The following TULP4 variants were observed in gnomAD, a reference collection of about 807,000 sequenced individuals.
TULP4 encodes the protein tubby-related protein 4.
In TULP4, 16 loss-of-function variants were observed where a neutral mutation model predicts 129.0. That is an observed-to-expected ratio of 0.12 (90% confidence interval 0.08 to 0.19). TULP4 has a LOEUF of 0.19. TULP4 is among the 10% of genes least tolerant of loss of function. TULP4 has a pLI of 1.00. For synonymous variants in TULP4, 998 were observed against 854.0 expected (o/e 1.17, Z -2.94); for missense variants, 1,842 against 2,059.1 (o/e 0.89, Z 2.04).
intron 1 of TULP4, among the ~76,000 whole-genome samples, chr6:158,334,246 A>C (rs1027376762): frequency 3.3e-5 from 5 of 152,246 alleles, no homozygotes; most frequent in African/African-American, 1.2e-4. Flanking sequence ...TGACATTACA[A>C]GAAAAAGTTG....
At position 158,508,134 on chromosome 6, in the gene TULP4, A is replaced by G. The variant is rs920711602; in HGVS notation, c.*1440A>G. The G allele has an allele frequency of 3.3e-5, 5 of 151,964 alleles. No homozygotes were observed. Among genetic ancestry groups the G allele is most frequent in the African/African-American group, 1.2e-4 (5 of 41,336 alleles). 9.4% of individuals were successfully genotyped at this position (151,964 alleles called of 1,614,324 possible). ...TATTCAAGCCCTGATGACAAAACCC[A>G]GTGTTTTTTGTTGTTGTTTTTTGTT... is the stretch of plus-strand genomic sequence containing the variant. On this transcript the variant is annotated 3_prime_UTR_variant, in exon 14 of 14. Coordinates refer to ENST00000367097, the MANE Select transcript of TULP4 (RefSeq NM_020245.5).
In TULP4 at chr6:158,413,105, C is replaced by T. The variant is rs765940803; in HGVS notation, c.293C>T (p.Ala98Val). 2 of 1,613,706 alleles carry T rather than the reference C, an allele frequency of 1.2e-6. No individual in the cohort carries two copies. The highest frequency in any genetic ancestry group is 1.7e-6 in the Non-Finnish European group (2 of 1,179,716). The change falls in exon 2 of 14, where the codon GCC becomes GTC. Residue 98 changes from alanine (A) to valine (V), a missense_variant. This residue lies in a region of TULP4 where 151 missense variants were observed against 268.7 expected (regional missense o/e 0.56). Coordinates refer to ENST00000367097, the MANE Select transcript of TULP4 (RefSeq NM_020245.5). This position sits in a 1 kb window ranked among gnomAD's most constrained non-coding sequence, Gnocchi z 4.9. ...VRWNEPYQKL[A>V]TCDADGGIFV... ...TGGAATGAGCCCTACCAGAAACTGG[C>T]CACGTGCGATGCGGACGGAGGCATA...
At chr6:158,341,271 CT>C (rs919046986) in intron 1 of TULP4, among the ~76,000 whole-genome samples, 26 of 152,042 alleles carry the variant, frequency 1.7e-4, no homozygotes, top group African/African-American at 5.8e-4. Context: ...CAGGAGTTCA[CT>C]TTTTTTTATG....
chr6:158,267,779 T>C (rs1313956879), intron 1 of TULP4, among the ~76,000 whole-genome samples: 1 of 152,112 alleles, frequency 6.6e-6, no homozygotes, highest in African/African-American at 2.4e-5. Context: ...CCTCCGTGGG[T>C]TGGTATAGAC....
At chr6:158,402,828 G>T (rs1202743915) in intron 1 of TULP4, among the ~76,000 whole-genome samples, 4 of 151,370 alleles carry the variant, frequency 2.6e-5, no homozygotes, top group African/African-American at 9.7e-5. Context: ...AAAAATAAAT[G>T]ATGACTATTG....
At chr6:158,422,528 C>T (rs886629252) in intron 2 of TULP4, among the ~76,000 whole-genome samples, 1 of 152,160 alleles carries the variant, frequency 6.6e-6, no homozygotes, top group African/African-American at 2.4e-5. Context: ...ATTCTCAGGC[C>T]AGTTTAGACA....
chr6:158,303,180 T>G (rs1779158762), intron 1 of TULP4, among the ~76,000 whole-genome samples: 1 of 151,616 alleles, frequency 6.6e-6, no homozygotes, highest in Non-Finnish European at 1.5e-5. Context: ...TCTCCTTTGT[T>G]TAAAACAATA....
In TULP4 at chr6:158,313,188, G is replaced by T. The variant is rs916356363; in HGVS notation, c.-829G>T. On this transcript the variant is annotated 5_prime_UTR_variant, in exon 1 of 14. It adds an upstream start codon to the 5' untranslated region. Transcript: ENST00000367097. ...TGGAACATTCTGCCTCTTGAGTGAA[G>T]GGGCCTTCTTTCTAGCCTCTATGGC... 11 of 294,562 alleles carry T rather than the reference G, an allele frequency of 3.7e-5. No homozygotes were observed. Among genetic ancestry groups the T allele is most frequent in the African/African-American group, 2.4e-4 (11 of 46,408 alleles). The allele number at this position is 294,562 out of a possible 1,614,324, so 18.2% of individuals were successfully genotyped here.
upstream of TULP4, among the ~76,000 whole-genome samples, chr6:158,278,331 G>A (rs898670536): frequency 6.6e-6 from 1 of 151,446 alleles, no homozygotes; most frequent in Non-Finnish European, 1.5e-5. Flanking sequence ...CCATACAATT[G>A]TTTTGATGTA....
rs1266584599 is a variant in TULP4 at position 158,502,973 on chromosome 6, T to C, written c.3310T>C (p.Leu1104=). ...LSQHCQLEKP[L]RHPPLPEAAV... ...CCAGCACTGTCAGCTTGAGAAGCCC[T>C]TGAGGCACCCTCCCCTGCCTGAAGC... The change falls in exon 13 of 14, where the codon TTG becomes CTG. Residue 1104 remains leucine (L), a synonymous_variant. Coordinates refer to ENST00000367097, the MANE Select transcript of TULP4 (RefSeq NM_020245.5). 8.7e-6 allele frequency: 14 copies of C among 1,613,654 alleles called. No individual in the cohort carries two copies. Among genetic ancestry groups the C allele is most frequent in the Non-Finnish European group, 1.2e-5 (14 of 1,179,906 alleles).
intron 1 of TULP4, among the ~76,000 whole-genome samples, chr6:158,404,404 A>C (rs113340632): frequency 1.3e-5 from 2 of 152,222 alleles, no homozygotes; most frequent in Non-Finnish European, 1.5e-5. Flanking sequence ...TGTATGTTAC[A>C]TTTTTTCTGT....
chr6:158,350,694 C>G (rs1207869320), intron 1 of TULP4, among the ~76,000 whole-genome samples: 1 of 151,836 alleles, frequency 6.6e-6, no homozygotes, highest in Non-Finnish European at 1.5e-5. Context: ...CAGTACAATC[C>G]AGGCTTGGCA....
At chr6:158,486,424 G>A (rs1315414213) in intron 8 of TULP4, among the ~76,000 whole-genome samples, 1 of 152,088 alleles carries the variant, frequency 6.6e-6, no homozygotes, top group African/African-American at 2.4e-5. Context: ...GTGGTGGCGG[G>A]TGCATGTAGT....
At chr6:158,328,778 T>G (rs1466960490) in intron 1 of TULP4, among the ~76,000 whole-genome samples, 1 of 152,184 alleles carries the variant, frequency 6.6e-6, no homozygotes, top group Non-Finnish European at 1.5e-5. Context: ...AGACTCATCT[T>G]GTGCAGTTCA....
chr6:158,302,882 A>G (rs2128477029), intron 1 of TULP4, among the ~76,000 whole-genome samples: 1 of 151,910 alleles, frequency 6.6e-6, no homozygotes, highest in Admixed American at 6.6e-5. Context: ...ATAAGGCTGA[A>G]TTTTACCCTT....
intron 1 of TULP4, among the ~76,000 whole-genome samples, chr6:158,263,034 C>T (rs1420217967): frequency 6.6e-6 from 1 of 152,142 alleles, no homozygotes; most frequent in Non-Finnish European, 1.5e-5. Context: ...TCTTTGTGTC[C>T]CTGTGTCTGT....
chr6:158,382,413 A>G (rs963696745), intron 1 of TULP4, among the ~76,000 whole-genome samples: 3 of 152,136 alleles, frequency 2.0e-5, no homozygotes. Context: ...CGGGAAAACA[A>G]ACCTTCCAAC....
rs981858901 is a variant in TULP4 at position 158,313,417 on chromosome 6, C to T, written c.-600C>T. ...TTGTGTGCCTTTTTTTCCCTTTATG[C>T]AATCTTTTTCAGCTTTAGCAGCAGA... is the stretch of plus-strand genomic sequence containing the variant. On this transcript the variant is annotated 5_prime_UTR_variant, in exon 1 of 14. It introduces an in-frame stop codon into an upstream open reading frame of the 5' UTR. Coordinates refer to ENST00000367097, the MANE Select transcript of TULP4 (RefSeq NM_020245.5). The T allele has an allele frequency of 5.0e-6, 2 of 398,674 alleles. No homozygotes were observed. Among genetic ancestry groups the T allele is most frequent in the African/African-American group, 4.1e-5 (2 of 48,596 alleles). The allele number at this position is 398,674 out of a possible 1,614,324, so 24.7% of individuals were successfully genotyped here.
chr6:158,426,241 A>G (rs1562561579), intron 2 of TULP4, among the ~76,000 whole-genome samples: 1 of 152,016 alleles, frequency 6.6e-6, no homozygotes, highest in East Asian at 1.9e-4. Flanking sequence ...GATCTTGTTT[A>G]TCAATTTTTG....
Sources: allele counts gnomAD v4.1 joint callset (sites outside exome capture counted in the v4.1 genomes callset), GRCh38; gene constraint gnomAD v4.1.1; regional missense constraint gnomAD v4.1.1; non-coding constraint Gnocchi (gnomAD v3.1); transcripts MANE v1.5; gene names NCBI Gene and HGNC (gene_info 2026-07-23, HGNC 2026-07-21).